Variants in ASIC2 observed in about 807,000 individuals in gnomAD.
ASIC2 encodes acid-sensing ion channel 2.
A neutral mutation model predicts 57.3 loss-of-function variants in ASIC2; 25 were observed. The observed-to-expected ratio is 0.44, with a 90% CI of 0.32 to 0.61. ASIC2 has a LOEUF of 0.61. ASIC2 is among the 20% of genes least tolerant of loss of function. The pLI is 0.06. For missense variants in ASIC2, 641 were observed against 738.1 expected (o/e 0.87, Z 1.52); for synonymous variants, 319 against 307.5 (o/e 1.04, Z -0.39).
chr17:33,606,407 A>T (rs1035930450), intron 1 of ASIC2, among the ~76,000 whole-genome samples: 1 of 152,124 alleles, frequency 6.6e-6, no homozygotes, highest in Non-Finnish European at 1.5e-5. Context: ...CTTTATTTGG[A>T]CCTTTCCAGG....
intron 1 of ASIC2, among the ~76,000 whole-genome samples, chr17:33,326,353 C>G (rs185735239): frequency 6.6e-6 from 1 of 152,178 alleles, no homozygotes; most frequent in Non-Finnish European, 1.5e-5. Context: ...CACCAGTTCA[C>G]GCATCTTTCC....
At chr17:33,776,774 C>T (rs1480101552) in intron 1 of ASIC2, among the ~76,000 whole-genome samples, 1 of 152,216 alleles carries the variant, frequency 6.6e-6, no homozygotes, top group African/African-American at 2.4e-5. Flanking sequence ...GGCAGAGCAC[C>T]TAGCTGGGCT....
chr17:33,908,568 C>T (rs1032384918), intron 1 of ASIC2, among the ~76,000 whole-genome samples: 1 of 152,214 alleles, frequency 6.6e-6, no homozygotes, highest in Non-Finnish European at 1.5e-5. Context: ...CTTGTGAGAG[C>T]TGGCAGTACT....
At chr17:33,524,699 C>T (rs1323747376) in intron 1 of ASIC2, among the ~76,000 whole-genome samples, 5 of 151,974 alleles carry the variant, frequency 3.3e-5, no homozygotes, top group African/African-American at 1.2e-4. Flanking sequence ...AGTTTGAGTC[C>T]CTCCACCTCC....
At chr17:33,137,158 A>G (rs11651715) in intron 1 of ASIC2, among the ~76,000 whole-genome samples, 41,753 of 152,178 alleles carry the variant, frequency 0.27, 5,873 homozygotes, top group East Asian at 0.39. Context: ...GATTCCTTGC[A>G]TAGCATTTTG....
chr17:33,527,208 T>TG (rs1914911041), intron 1 of ASIC2, among the ~76,000 whole-genome samples: 1 of 152,146 alleles, frequency 6.6e-6, no homozygotes, highest in African/African-American at 2.4e-5. Context: ...GACAGTAGGG[T>TG]GCACTGTCCA....
chr17:33,963,234 C>T (rs779636931), intron 1 of ASIC2, among the ~76,000 whole-genome samples: 7 of 152,168 alleles, frequency 4.6e-5, no homozygotes, highest in Non-Finnish European at 1.0e-4. Flanking sequence ...CGCAGCCTCC[C>T]CATCTCATTT....
chr17:33,784,038 A>G (rs1483459426), intron 1 of ASIC2, among the ~76,000 whole-genome samples: 2 of 152,202 alleles, frequency 1.3e-5, no homozygotes, highest in East Asian at 1.9e-4. Flanking sequence ...GGTGCAACCA[A>G]GCTCAGGGGG....
chr17:33,183,424 G>T (rs1374248522), intron 1 of ASIC2, among the ~76,000 whole-genome samples: 1 of 152,094 alleles, frequency 6.6e-6, no homozygotes, highest in Admixed American at 6.5e-5. Context: ...AAACATAAAA[G>T]ACCTTTAACA....
chr17:33,700,692 G>A (rs1177106078), intron 1 of ASIC2, among the ~76,000 whole-genome samples: 1 of 152,198 alleles, frequency 6.6e-6, no homozygotes, highest in African/African-American at 2.4e-5. Flanking sequence ...TAGTGTTAGG[G>A]TTCTGTTTTC....
At chr17:34,095,615 A>ATATATATATATATATAATTT (rs1910494322) in intron 1 of ASIC2, among the ~76,000 whole-genome samples, 1 of 82,308 alleles carries the variant, frequency 1.2e-5, no homozygotes, top group Non-Finnish European at 2.1e-5. Context: ...TTTTATATAT[A>ATATATATATATATATAATTT]TATATATATA....
At chr17:33,827,103 A>C (rs1385875113) in intron 1 of ASIC2, among the ~76,000 whole-genome samples, 1 of 152,152 alleles carries the variant, frequency 6.6e-6, no homozygotes, top group Non-Finnish European at 1.5e-5. Flanking sequence ...GGAGTCATAC[A>C]GCCTTGAGAA....
intron 1 of ASIC2, among the ~76,000 whole-genome samples, chr17:33,126,619 C>T (rs1229571087): frequency 2.6e-5 from 4 of 152,008 alleles, no homozygotes; most frequent in Non-Finnish European, 5.9e-5. Flanking sequence ...ATCCCATCTC[C>T]ACTAAAAATA....
chr17:34,069,057 G>A (rs146104398), intron 1 of ASIC2, among the ~76,000 whole-genome samples: 1 of 152,190 alleles, frequency 6.6e-6, no homozygotes. Flanking sequence ...AGGAGAGTGG[G>A]CTACTCCTAC....
intron 1 of ASIC2, among the ~76,000 whole-genome samples, chr17:34,117,626 T>C (rs976150804): frequency 2.6e-5 from 4 of 152,076 alleles, no homozygotes; most frequent in South Asian, 4.1e-4. Context: ...CAACAGAAGA[T>C]GCTGAAGTCC....
chr17:33,984,609 C>T lies in ASIC2; in HGVS notation c.555+171369G>A, dbSNP rs559827814. 5.3e-5 allele frequency among the ~76,000 whole-genome samples: 8 copies of T among 152,348 alleles called. No homozygotes were observed. In the South Asian group the frequency reaches 1.0e-3, roughly 20 times the overall value. Reference sequence around the variant, plus strand: ...GACGATGCAGACACTTGTGCATCCCCTTCACAATTGGGGGAAAGAGGTTCT... The same window carrying T: ...GACGATGCAGACACTTGTGCATCCCTTTCACAATTGGGGGAAAGAGGTTCT... On this transcript the variant is annotated intron_variant, in intron 1 of 9. Transcript: ENST00000359872.
At chr17:33,505,153 C>T (rs114165624) in intron 1 of ASIC2, among the ~76,000 whole-genome samples, 3,020 of 151,928 alleles carry the variant, frequency 0.02, 99 homozygotes, top group African/African-American at 0.068. Context: ...ATATGGTGGG[C>T]GGGGCACGTG....
rs560146814 is a variant in ASIC2 at position 34,014,434 on chromosome 17, C to T, written c.555+141544G>A. Among the ~76,000 whole-genome samples the T allele has an allele frequency of 5.3e-5, 8 of 152,204 alleles. No individual in the cohort carries two copies. In the East Asian group the frequency reaches 5.8e-4, roughly 11 times the overall value. On this transcript the variant is annotated intron_variant, in intron 1 of 9. Transcript: ENST00000359872. ...GTTTGGGGTGCCACCATCAGGAGCT[C>T]GAGACATTGGCTATGCTATGTAACC...
intron 1 of ASIC2, among the ~76,000 whole-genome samples, chr17:34,125,617 G>A (rs781501612): frequency 2.6e-5 from 4 of 152,168 alleles, no homozygotes; most frequent in Non-Finnish European, 4.4e-5. Flanking sequence ...CTGGGCTGGA[G>A]CACTTCAGAT....
Sources: gnomAD v4.1 joint callset for allele counts (sites outside exome capture counted in the v4.1 genomes callset) on GRCh38, gnomAD v4.1.1 for gene constraint, MANE v1.5 for transcripts, NCBI Gene and HGNC (gene_info 2026-07-23, HGNC 2026-07-21) for gene names.